ATP9B: variants seen among roughly 807,000 people sequenced by gnomAD.
ATP9B encodes the protein ATPase phospholipid transporting 9B.
Under a neutral mutation model 146.1 loss-of-function variants are expected in ATP9B, and 110 were observed. That is an observed-to-expected ratio of 0.75 (90% confidence interval 0.65 to 0.88). The LOEUF (loss-of-function observed/expected upper bound fraction) is 0.88. ATP9B is among the 40% of genes least tolerant of loss of function. ATP9B has a pLI of 0.00. For synonymous variants in ATP9B, 604 were observed against 569.7 expected (o/e 1.06, Z -0.86); for missense variants, 1,499 against 1,496.4 (o/e 1.00, Z -0.03).
intron 8 of ATP9B, among the ~76,000 whole-genome samples, chr18:79,181,341 TG>T (rs1235618885): frequency 6.6e-6 from 1 of 152,218 alleles, no homozygotes; most frequent in Non-Finnish European, 1.5e-5. Flanking sequence ...TTGTCTTGCT[TG>T]GGTTTGTTGG....
intron 7 of ATP9B, among the ~76,000 whole-genome samples, chr18:79,161,397 G>A (rs1426016696): frequency 6.6e-6 from 1 of 152,124 alleles, no homozygotes; most frequent in Non-Finnish European, 1.5e-5. Context: ...CAGGCATGCT[G>A]GATTTTTTAT....
intron 4 of ATP9B, among the ~76,000 whole-genome samples, chr18:79,124,288 T>C (rs1190070138): frequency 6.6e-6 from 1 of 152,216 alleles, no homozygotes; most frequent in Admixed American, 6.5e-5. Flanking sequence ...TCTGTGAAGG[T>C]ACTAAAAAAC....
At chr18:79,252,969 A>C (rs936736067) in intron 11 of ATP9B, among the ~76,000 whole-genome samples, 2 of 152,222 alleles carry the variant, frequency 1.3e-5, no homozygotes. Context: ...GGCGTAGCAC[A>C]TGCAAGGAAG....
intron 9 of ATP9B, among the ~76,000 whole-genome samples, chr18:79,196,973 A>G (rs1330783793): frequency 2.0e-5 from 3 of 152,236 alleles, no homozygotes; most frequent in Admixed American, 2.0e-4. Context: ...AGAGCTCAGA[A>G]CATGAGCAGT....
rs888073201 is a variant in ATP9B at position 79,375,517 on chromosome 18, C to T, written c.3307+91C>T. On this transcript the variant is annotated intron_variant, in intron 29 of 29. Transcript: ENST00000426216. Reference sequence around the variant, plus strand: ...TTAACTAATAAGAAAAACAAACCTTCCTCTAATTCAGTGTTCCTCAGGAAC... The same window carrying T: ...TTAACTAATAAGAAAAACAAACCTTTCTCTAATTCAGTGTTCCTCAGGAAC... 10 of 1,546,012 alleles carry T rather than the reference C, an allele frequency of 6.5e-6. No individual in the cohort carries two copies. The African/African-American group carries it at 1.2e-4, about 19-fold the overall frequency.
intron 5 of ATP9B, among the ~76,000 whole-genome samples, chr18:79,139,045 G>A (rs899290292): frequency 6.6e-6 from 1 of 152,170 alleles, no homozygotes; most frequent in Non-Finnish European, 1.5e-5. Context: ...TCCAGACTGG[G>A]TGACAGAAAA....
intron 11 of ATP9B, among the ~76,000 whole-genome samples, chr18:79,221,743 C>T (rs1355084280): frequency 1.3e-5 from 2 of 152,000 alleles, no homozygotes; most frequent in African/African-American, 4.8e-5. Flanking sequence ...CAAAACTCCA[C>T]CTATCCTCCC....
intron 10 of ATP9B, 75 bp downstream of exon 10, chr18:79,207,087 CA>C: frequency 7.0e-7 from 1 of 1,423,930 alleles, no homozygotes; most frequent in South Asian, 1.2e-5. Context: ...GGACTCCAAA[CA>C]AGGGTTTCTC....
intron 12 of ATP9B, among the ~76,000 whole-genome samples, chr18:79,255,691 G>T (rs1055768189): frequency 1.2e-4 from 18 of 152,188 alleles, no homozygotes; most frequent in Non-Finnish European, 1.9e-4. Flanking sequence ...CTGCAGCCTT[G>T]CTCACTCAAA....
chr18:79,229,130 T>C (rs1371041831), intron 11 of ATP9B, among the ~76,000 whole-genome samples: 1 of 152,236 alleles, frequency 6.6e-6, no homozygotes, highest in Non-Finnish European at 1.5e-5. Context: ...CTGTTGGTGC[T>C]GATGTGAAAT....
At chr18:79,072,424 C>G (rs1026240973) in intron 1 of ATP9B, among the ~76,000 whole-genome samples, 9 of 152,282 alleles carry the variant, frequency 5.9e-5, no homozygotes, top group Admixed American at 3.9e-4. Flanking sequence ...TCCATTTAAC[C>G]TGGAGTTGAC....
intron 13 of ATP9B, among the ~76,000 whole-genome samples, chr18:79,287,975 T>C (rs1176035777): frequency 6.6e-6 from 1 of 151,522 alleles, no homozygotes; most frequent in Non-Finnish European, 1.5e-5. Context: ...CATTGTGGTC[T>C]GAGAGACAGT....
At chr18:79,270,449 C>T (rs925746110) in intron 12 of ATP9B, among the ~76,000 whole-genome samples, 1 of 152,170 alleles carries the variant, frequency 6.6e-6, no homozygotes, top group Admixed American at 6.5e-5. Flanking sequence ...TTATCCAATA[C>T]ATATTTAAAC....
chr18:79,193,151 A>T lies in ATP9B; in HGVS notation c.874-32A>T, dbSNP rs1375194716. 7 of 1,478,574 alleles carry T rather than the reference A, an allele frequency of 4.7e-6. No homozygotes were observed. In the South Asian group the frequency reaches 5.8e-5, roughly 12 times the overall value. 91.6% of individuals were successfully genotyped at this position (1,478,574 alleles called of 1,614,324 possible). The stretch of plus-strand genomic sequence containing the variant: ...CCAAGTAATTTTACTAAACTATAAC[A>T]TTCTAATCGATTCAAATGTTCTGTA... On this transcript the variant is annotated intron_variant, in intron 8 of 29. Transcript: ENST00000426216.
Position 79,186,179 on chromosome 18 carries a change from G to C in ATP9B, c.874-7004G>C, listed in dbSNP as rs190506670. ...TTTATTTCAAAAGATCCGTATAGCA[G>C]TAAACAATACCATTTACATTTAATT... On this transcript the variant is annotated intron_variant, in intron 8 of 29. Transcript: ENST00000426216. Among the ~76,000 whole-genome samples the C allele has an allele frequency of 2.1e-4, 32 of 152,290 alleles. 1 individual carries two copies. The highest frequency in any genetic ancestry group is 6.8e-3 in the Middle Eastern group (2 of 294).
At chr18:79,356,167 G>C (rs1464734078) in intron 25 of ATP9B, among the ~76,000 whole-genome samples, 2 of 152,222 alleles carry the variant, frequency 1.3e-5, no homozygotes, top group African/African-American at 4.8e-5. Flanking sequence ...GTCAGCCACA[G>C]AGACCAGGTT....
rs1213008225 is a variant in ATP9B, at chr18:79,157,528, C to T, written c.778+2973C>T. Among the ~76,000 whole-genome samples, 6 of 145,476 alleles carry T rather than the reference C, an allele frequency of 4.1e-5. No homozygotes were observed. In the South Asian group the frequency reaches 1.3e-3, roughly 32 times the overall value. ...TGGAATGAGTTAAGAAGTGTTCTTT[C>T]TTCTATGTTTTGGAAGAGTTTGTGA... On this transcript the variant is annotated intron_variant, in intron 7 of 29. Coordinates refer to ENST00000426216, the MANE Select transcript of ATP9B (RefSeq NM_198531.5).
At chr18:79,284,462 A>C (rs1018409708) in intron 13 of ATP9B, among the ~76,000 whole-genome samples, 1 of 152,198 alleles carries the variant, frequency 6.6e-6, no homozygotes, top group Non-Finnish European at 1.5e-5. Context: ...TTTAACTTTG[A>C]ATATAATATT....
rs536112067 is a variant in ATP9B, at chr18:79,109,772, G to A, written c.294-583G>A. 8.5e-5 allele frequency among the ~76,000 whole-genome samples: 13 copies of A among 152,108 alleles called. No homozygotes were observed. In the South Asian group the frequency reaches 1.0e-3, roughly 12 times the overall value. Reference sequence around the variant, plus strand: ...GTAGAGACGGGGTTTTACCACATTGGCCAGGCTGGTCTTGAACTCCTAACC... The same window carrying A: ...GTAGAGACGGGGTTTTACCACATTGACCAGGCTGGTCTTGAACTCCTAACC... On this transcript the variant is annotated intron_variant, in intron 2 of 29. Transcript: ENST00000426216.
Sources: gnomAD v4.1 joint callset for allele counts (sites outside exome capture counted in the v4.1 genomes callset) on GRCh38, gnomAD v4.1.1 for gene constraint, MANE v1.5 for transcripts, NCBI Gene and HGNC (gene_info 2026-07-23, HGNC 2026-07-21) for gene names.